Variants in CCDC158 observed in about 807,000 individuals in gnomAD.
CCDC158 encodes the protein coiled-coil domain containing 158.
In CCDC158, 116 loss-of-function variants were observed where a neutral mutation model predicts 138.6. The ratio of observed to expected loss-of-function variants is 0.84; its 90% CI spans 0.72 to 0.98. CCDC158 has a LOEUF of 0.98. CCDC158 is among the 50% of genes least tolerant of loss of function. The pLI, the probability that CCDC158 is intolerant of heterozygous loss-of-function variation, is 0.00. For missense variants in CCDC158, 1,265 were observed against 1,306.1 expected, an observed-to-expected ratio of 0.97 and a Z score of 0.48; for synonymous variants, 436 against 442.4, an observed-to-expected ratio of 0.99 and a Z score of 0.18.
intron 18 of CCDC158, among the ~76,000 whole-genome samples, chr4:76,350,406 T>A: frequency 6.6e-6 from 1 of 152,218 alleles, no homozygotes; most frequent in East Asian, 1.9e-4. Context: ...CATGTGTGAT[T>A]TATGGAATGC....
chr4:76,323,278 T>A (rs1720208441), intron 24 of CCDC158, 24 bp downstream of exon 24: 1 of 1,518,646 alleles, frequency 6.6e-7, no homozygotes. Context: ...GCGAGGAAGA[T>A]CTCTCCAAAA....
At position 76,345,408 on chromosome 4, in the gene CCDC158, G is replaced by A. The variant is rs180741474; in HGVS notation, c.2664+5588C>T. 1.1e-4 allele frequency: 102 copies of A among 941,792 alleles called. No individual in the cohort carries two copies. The Admixed American group carries it at 1.7e-3, about 16-fold the overall frequency. The allele number at this position is 941,792 out of a possible 1,614,324, so 58.3% of individuals were successfully genotyped here. ...CAAATTGGCTGAGGCACACCAGCAG[G>A]AGTGCTGCCTGAAATTTGAACAGCT... is the stretch of plus-strand genomic sequence containing the variant. On this transcript the variant is annotated intron_variant, in intron 18 of 24. Coordinates refer to ENST00000682701, the MANE Select transcript of CCDC158 (RefSeq NM_001394954.1).
intron 1 of CCDC158, among the ~76,000 whole-genome samples, chr4:76,415,581 T>C: frequency 6.6e-6 from 1 of 152,302 alleles, no homozygotes; most frequent in South Asian, 2.1e-4. Context: ...TGATTATATA[T>C]GAATATCATT....
At chr4:76,342,499 C>T (rs1662564375) in intron 18 of CCDC158, among the ~76,000 whole-genome samples, 1 of 152,044 alleles carries the variant, frequency 6.6e-6, no homozygotes, top group Admixed American at 6.6e-5. Flanking sequence ...CTGTGCCTGG[C>T]AAAGGAGTTT....
At chr4:76,319,442 AAAAAAAAAAAAAAAAAAAAAAAAATATAT>A in intron 24 of CCDC158, among the ~76,000 whole-genome samples, 1 of 23,712 alleles carries the variant, frequency 4.2e-5, no homozygotes, top group African/African-American at 1.4e-4. Context: ...CAAAAAAAAA[AAAAAAAAAAAAAAAAAAAAAAAAATATAT>A]ATATATATAT....
chr4:76,413,797 AAT>A (rs1729483734), intron 1 of CCDC158, among the ~76,000 whole-genome samples: 1 of 152,238 alleles, frequency 6.6e-6, no homozygotes, highest in Admixed American at 6.5e-5. Flanking sequence ...CCTGACCTAA[AAT>A]ATGATGACTT....
At chr4:76,390,893 C>A (rs1013595531) in intron 4 of CCDC158, among the ~76,000 whole-genome samples, 4 of 151,794 alleles carry the variant, frequency 2.6e-5, no homozygotes, top group Admixed American at 2.0e-4. Flanking sequence ...AAAGAAGTCA[C>A]AATATAATGA....
intron 15 of CCDC158, 57 bp from the exon 16 acceptor site, chr4:76,353,338 G>A (rs1723234189): frequency 3.7e-6 from 5 of 1,351,644 alleles, no homozygotes; most frequent in Admixed American, 2.6e-5. Context: ...GATGCTGAAA[G>A]GTAATGGAAA....
intron 18 of CCDC158, among the ~76,000 whole-genome samples, chr4:76,347,882 A>G (rs984173479): frequency 2.0e-5 from 3 of 152,180 alleles, no homozygotes; most frequent in African/African-American, 7.2e-5. Context: ...TTCAAATCAT[A>G]TAATTATCAT....
chr4:76,413,232 G>GGCCCA (rs1729430705), intron 1 of CCDC158, among the ~76,000 whole-genome samples: 1 of 151,990 alleles, frequency 6.6e-6, no homozygotes, highest in Non-Finnish European at 1.5e-5. Context: ...CCAGCACTTT[G>GGCCCA]GGAGGCCAAG....
chr4:76,396,363 C>G lies in CCDC158; in HGVS notation c.194G>C (p.Arg65Thr). Residue 65 changes from arginine to threonine, a missense_variant, in exon 4 of 25, where the codon AGA becomes ACA. Transcript: ENST00000682701. ...PKYEVELDSP[R>T]KIIPSPGKEH... Reference sequence around the variant, plus strand: ...CTTTCCAGGAGATGGGATGATTTTTCTAGGAGAATCAAGTTCCACTTCATA... The same window carrying G: ...CTTTCCAGGAGATGGGATGATTTTTGTAGGAGAATCAAGTTCCACTTCATA... 6.2e-7 allele frequency: 1 copy of G among 1,613,832 alleles called. No homozygotes were observed. Among genetic ancestry groups the G allele is most frequent in the South Asian group, 1.1e-5 (1 of 91,054 alleles).
chr4:76,416,899 G>C (rs1014744262), intron 1 of CCDC158, among the ~76,000 whole-genome samples: 1 of 152,164 alleles, frequency 6.6e-6, no homozygotes, highest in African/African-American at 2.4e-5. Context: ...CCCACACAGA[G>C]TCCCTACTGG....
At chr4:76,400,430 G>A (rs1483751127) in intron 3 of CCDC158, among the ~76,000 whole-genome samples, 4 of 151,118 alleles carry the variant, frequency 2.6e-5, no homozygotes, top group East Asian at 2.0e-4. Context: ...GGGAGTGATA[G>A]CATTAGGAGA....
chr4:76,384,778 T>C (rs1726634135), intron 4 of CCDC158, 113 bp from the exon 5 acceptor site: 1 of 693,134 alleles, frequency 1.4e-6, no homozygotes, highest in African/African-American at 1.8e-5. Context: ...TCTACTTCCT[T>C]CCCTCACTGC....
In CCDC158 at chr4:76,331,336, T is replaced by C; in HGVS notation, c.2942+8A>G. On this transcript the variant is annotated splice_region_variant and intron_variant, in intron 21 of 24. Coordinates refer to ENST00000682701, the MANE Select transcript of CCDC158 (RefSeq NM_001394954.1). Reference sequence around the variant, plus strand: ...GACATTTTGAAAATGGGGGCTGGTATTTCCTACCTACTAAGAGTTTCACTT... The same window carrying C: ...GACATTTTGAAAATGGGGGCTGGTACTTCCTACCTACTAAGAGTTTCACTT... 1 of 1,612,886 alleles carries C rather than the reference T, an allele frequency of 6.2e-7. No individual in the cohort carries two copies. Among genetic ancestry groups the C allele is most frequent in the South Asian group, 1.1e-5 (1 of 91,048 alleles).
chr4:76,386,999 C>CA (rs1327736905), intron 4 of CCDC158, among the ~76,000 whole-genome samples: 1 of 152,108 alleles, frequency 6.6e-6, no homozygotes, highest in Non-Finnish European at 1.5e-5. Flanking sequence ...GCCTAGGACA[C>CA]AAGGACTGCA....
At chr4:76,344,649 A>C in intron 18 of CCDC158, 1 of 1,602,458 alleles carries the variant, frequency 6.2e-7, no homozygotes. Flanking sequence ...TACAGTGCAC[A>C]CAAAGACCAC....
At chr4:76,332,734 T>C (rs1721114245) in intron 19 of CCDC158, among the ~76,000 whole-genome samples, 1 of 152,200 alleles carries the variant, frequency 6.6e-6, no homozygotes, top group Admixed American at 6.5e-5. Context: ...ATTTATAGGA[T>C]TATAGCAAAT....
chr4:76,400,970 AG>A (rs1728321217), intron 3 of CCDC158, among the ~76,000 whole-genome samples: 1 of 152,214 alleles, frequency 6.6e-6, no homozygotes. Context: ...CAGAACCTAA[AG>A]CAGTTGTTCC....
Sources: gnomAD v4.1 joint callset for allele counts (sites outside exome capture counted in the v4.1 genomes callset) on GRCh38, gnomAD v4.1.1 for gene constraint, MANE v1.5 for transcripts, NCBI Gene and HGNC (gene_info 2026-07-23, HGNC 2026-07-21) for gene names.